Variants in TNPO1 observed in about 807,000 individuals in gnomAD.
The protein encoded by TNPO1 is transportin-1.
A neutral mutation model predicts 119.5 loss-of-function variants in TNPO1; 8 were observed. The observed-to-expected ratio is 0.07, with a 90% CI of 0.04 to 0.12. TNPO1 has a LOEUF of 0.12. TNPO1 is among the 10% of genes least tolerant of loss of function. The pLI is 1.00. For synonymous variants in TNPO1, 362 were observed against 363.0 expected (o/e 1.00, Z 0.03); for missense variants, 576 against 1,089.8 (o/e 0.53, Z 6.64).
Position 72,909,486 on chromosome 5 carries a change from C to T in TNPO1, c.*813C>T, listed in dbSNP as rs1298289470. On this transcript the variant is annotated 3_prime_UTR_variant, in exon 25 of 25. Transcript: ENST00000337273. ...CGGATATAATTTGATGATTATACTT[C>T]ATTAGATTTAATTTCTAGGCCAAGA... is the stretch of plus-strand genomic sequence containing the variant. The T allele has an allele frequency of 6.6e-6, 1 of 152,128 alleles. No homozygotes were observed. The highest frequency in any genetic ancestry group is 1.5e-5 in the Non-Finnish European group (1 of 68,030). 9.4% of individuals were successfully genotyped at this position (152,128 alleles called of 1,614,324 possible).
chr5:72,858,575 T>C (rs181664212), intron 4 of TNPO1, among the ~76,000 whole-genome samples: 126 of 152,252 alleles, frequency 8.3e-4, no homozygotes, highest in Admixed American at 2.3e-3. Context: ...CGGTGGCTCA[T>C]GCCTGTAATC....
At chr5:72,848,185 C>T (rs1236723337) in intron 1 of TNPO1, 200 bp from the exon 2 acceptor site, 5 of 1,215,966 alleles carry the variant, frequency 4.1e-6, no homozygotes, top group Admixed American at 8.9e-5. Flanking sequence ...ACGCTGGCGG[C>T]CGGGCTGCCA....
intron 1 of TNPO1, among the ~76,000 whole-genome samples, chr5:72,837,000 T>C (rs1357356307): frequency 6.6e-6 from 1 of 152,228 alleles, no homozygotes. Context: ...AAGAAATCTC[T>C]TAAGAGGATT....
chr5:72,850,352 C>A lies in TNPO1; in HGVS notation c.130-892C>A, dbSNP rs572187536. Among the ~76,000 whole-genome samples the A allele has an allele frequency of 2.0e-5, 3 of 152,256 alleles. No individual in the cohort carries two copies. The South Asian group carries it at 6.2e-4, about 32-fold the overall frequency. On this transcript the variant is annotated intron_variant, in intron 2 of 24. Transcript: ENST00000337273. ...GTCTTGGTTGGAGAAAGTAGTTACA[C>A]CTTGCAGTTTTACTAGAGACTATGT...
At chr5:72,852,538 C>T (rs915129043) in intron 3 of TNPO1, among the ~76,000 whole-genome samples, 1 of 152,176 alleles carries the variant, frequency 6.6e-6, no homozygotes, top group Non-Finnish European at 1.5e-5. Context: ...GCGCTGTACC[C>T]TATTCAGTGA....
At chr5:72,821,099 T>C (rs979724837) in intron 1 of TNPO1, among the ~76,000 whole-genome samples, 1 of 152,212 alleles carries the variant, frequency 6.6e-6, no homozygotes, top group Non-Finnish European at 1.5e-5. Flanking sequence ...ATGAAGGTTT[T>C]ACTGGGGAAA....
chr5:72,834,006 A>G (rs1454501913), intron 1 of TNPO1, among the ~76,000 whole-genome samples: 1 of 152,128 alleles, frequency 6.6e-6, no homozygotes, highest in Non-Finnish European at 1.5e-5. Context: ...TCCATTAACT[A>G]CACTCATGCA....
chr5:72,822,413 G>A (rs967229921), intron 1 of TNPO1, among the ~76,000 whole-genome samples: 4 of 151,578 alleles, frequency 2.6e-5, no homozygotes, highest in African/African-American at 7.3e-5. Flanking sequence ...TGAATATATC[G>A]GTACGGCTAT....
intron 5 of TNPO1, among the ~76,000 whole-genome samples, chr5:72,862,842 T>G (rs2112318048): frequency 6.6e-6 from 1 of 152,100 alleles, no homozygotes; most frequent in South Asian, 2.1e-4. Flanking sequence ...GAGACAGAGT[T>G]TCACCATGTT....
Position 72,825,573 on chromosome 5 carries a change from G to C in TNPO1, c.15+8821G>C, listed in dbSNP as rs192420544. Among the ~76,000 whole-genome samples, 302 of 152,316 alleles carry C rather than the reference G, an allele frequency of 2.0e-3. 3 individuals are homozygous for C. The highest frequency in any genetic ancestry group is 7.0e-3 in the African/African-American group (292 of 41,578). ...GTGGTGGCACGTGCCTGTAGTCCCA[G>C]CTACTCGGGAGGCTGAGGCAGGAGA... On this transcript the variant is annotated intron_variant, in intron 1 of 24. Coordinates refer to ENST00000337273, the MANE Select transcript of TNPO1 (RefSeq NM_002270.4).
At position 72,867,603 on chromosome 5, in the gene TNPO1, G is replaced by A. The variant is rs375712355; in HGVS notation, c.596+1874G>A. On this transcript the variant is annotated intron_variant, in intron 6 of 24. Coordinates refer to ENST00000337273, the MANE Select transcript of TNPO1 (RefSeq NM_002270.4). Reference sequence around the variant, plus strand: ...TTATATATTATTTTTAATAACATAAGCAATCAGATCCACCACCTGAAACAA... The same window carrying A: ...TTATATATTATTTTTAATAACATAAACAATCAGATCCACCACCTGAAACAA... 2.0e-5 allele frequency among the ~76,000 whole-genome samples: 3 copies of A among 152,106 alleles called. No individual in the cohort carries two copies. The East Asian group carries it at 5.8e-4, about 29-fold the overall frequency.
Position 72,893,553 on chromosome 5 carries a change from A to G in TNPO1, c.2055+18A>G, listed in dbSNP as rs1484277448. 6 of 1,614,068 alleles carry G rather than the reference A, an allele frequency of 3.7e-6. No homozygotes were observed. The highest frequency in any genetic ancestry group is 3.3e-5 in the South Asian group (3 of 91,090). On this transcript the variant is annotated intron_variant, in intron 17 of 24. Coordinates refer to ENST00000337273, the MANE Select transcript of TNPO1 (RefSeq NM_002270.4). ...GCATGCAGGTGAGACTTGAAAGGTG[A>G]AAATGAATTGAAGCCTGTTTCTCTG...
chr5:72,876,461 T>C (rs1458299107), intron 8 of TNPO1, among the ~76,000 whole-genome samples: 4 of 152,226 alleles, frequency 2.6e-5, no homozygotes, highest in African/African-American at 9.6e-5. Flanking sequence ...TTACAAATTA[T>C]ATTCGCACTA....
Position 72,882,025 on chromosome 5 carries a change from C to T in TNPO1, c.921-442C>T, listed in dbSNP as rs151284657. Among the ~76,000 whole-genome samples the T allele has an allele frequency of 3.8e-3, 582 of 152,292 alleles. 1 individual carries two copies. The highest frequency in any genetic ancestry group is 7.4e-3 in the Non-Finnish European group (506 of 68,028). On this transcript the variant is annotated intron_variant, in intron 9 of 24. Transcript: ENST00000337273. The stretch of plus-strand genomic sequence containing the variant: ...ATCTTAACATTCTGATGTCTGTCCT[C>T]ACCATTTCCTTGAAATTGTTGATAA...
intron 4 of TNPO1, among the ~76,000 whole-genome samples, chr5:72,857,290 C>T (rs1746074253): frequency 6.6e-6 from 1 of 151,512 alleles, no homozygotes; most frequent in African/African-American, 2.4e-5. Flanking sequence ...TGCACTGCAG[C>T]CTGGGTGACG....
intron 1 of TNPO1, chr5:72,848,067 G>A: frequency 9.3e-7 from 1 of 1,080,706 alleles, no homozygotes; most frequent in Non-Finnish European, 1.1e-6. Flanking sequence ...CGTGGCACTA[G>A]GACCCAGGGG....
At chr5:72,844,126 T>C (rs1745029814) in intron 1 of TNPO1, among the ~76,000 whole-genome samples, 1 of 152,218 alleles carries the variant, frequency 6.6e-6, no homozygotes, top group Admixed American at 6.5e-5. Flanking sequence ...GTCCCTGCTC[T>C]CAAGGAACTT....
At chr5:72,890,721 G>A (rs1230743299) in intron 14 of TNPO1, among the ~76,000 whole-genome samples, 1 of 152,076 alleles carries the variant, frequency 6.6e-6, no homozygotes, top group African/African-American at 2.4e-5. Context: ...TCGTTTTATG[G>A]ATCATTCTTT....
At chr5:72,869,461 C>A (rs888257995) in intron 6 of TNPO1, among the ~76,000 whole-genome samples, 1 of 152,150 alleles carries the variant, frequency 6.6e-6, no homozygotes, top group East Asian at 1.9e-4. Context: ...GCACGAGAAT[C>A]ACTTGAACCC....
Sources: allele counts gnomAD v4.1 joint callset (sites outside exome capture counted in the v4.1 genomes callset), GRCh38; gene constraint gnomAD v4.1.1; transcripts MANE v1.5; gene names NCBI Gene and HGNC (gene_info 2026-07-23, HGNC 2026-07-21).